Variants in KYNU observed in about 807,000 individuals in gnomAD.
The protein encoded by KYNU is L-kynurenine hydrolase.
Under a neutral mutation model 59.2 loss-of-function variants are expected in KYNU, and 54 were observed. That is an observed-to-expected ratio of 0.91 (90% CI 0.73 to 1.14). The LOEUF (loss-of-function observed/expected upper bound fraction) is 1.14, where lower values mean the gene tolerates loss of function less well. Among genes scored for constraint, KYNU ranks in the 50% most tolerant of loss-of-function variants. The pLI is 0.00. For missense variants in KYNU, 567 were observed against 554.4 expected, an observed-to-expected ratio of 1.02 and a Z score of -0.23; for synonymous variants, 177 against 192.0, an observed-to-expected ratio of 0.92 and a Z score of 0.65.
At chr2:142,951,375 A>T (rs958432761) in intron 4 of KYNU, among the ~76,000 whole-genome samples, 1 of 152,296 alleles carries the variant, frequency 6.6e-6, no homozygotes, top group Middle Eastern at 3.4e-3. Flanking sequence ...TGGACATGGT[A>T]AAACCCTGTC....
intron 8 of KYNU, among the ~76,000 whole-genome samples, chr2:142,976,140 G>A (rs374632838): frequency 4.6e-5 from 7 of 152,312 alleles, no homozygotes; most frequent in African/African-American, 1.7e-4. Context: ...CTGCAGAGAG[G>A]CAAGGGGTGG....
chr2:143,036,797 T>G (rs972759561), intron 12 of KYNU, among the ~76,000 whole-genome samples: 1 of 152,210 alleles, frequency 6.6e-6, no homozygotes, highest in African/African-American at 2.4e-5. Flanking sequence ...CTTATCTTTT[T>G]AAACCAGTTT....
intron 12 of KYNU, among the ~76,000 whole-genome samples, chr2:143,037,967 AT>A (rs1179072713): frequency 1.3e-5 from 2 of 152,150 alleles, no homozygotes; most frequent in Non-Finnish European, 2.9e-5. Context: ...TTATTTTATG[AT>A]TTAAAGAGTG....
intron 10 of KYNU, among the ~76,000 whole-genome samples, chr2:142,994,391 T>C (rs1685481638): frequency 6.6e-6 from 1 of 152,072 alleles, no homozygotes; most frequent in African/African-American, 2.4e-5. Flanking sequence ...TGTTCACCTG[T>C]TTTGCTCTTC....
At chr2:142,972,813 T>G (rs11896948) in intron 8 of KYNU, among the ~76,000 whole-genome samples, 42,545 of 123,712 alleles carry the variant, frequency 0.34, 6,839 homozygotes, top group African/African-American at 0.43. Flanking sequence ...TATATATATA[T>G]AGAGAGAGAG....
intron 12 of KYNU, among the ~76,000 whole-genome samples, chr2:143,035,615 A>G (rs1238312989): frequency 6.6e-6 from 1 of 152,124 alleles, no homozygotes; most frequent in Non-Finnish European, 1.5e-5. Flanking sequence ...TTTAGAGATG[A>G]GGTCTTGCTC....
chr2:142,959,662 A>T (rs902078705), intron 7 of KYNU, among the ~76,000 whole-genome samples: 5 of 152,098 alleles, frequency 3.3e-5, no homozygotes, highest in African/African-American at 1.2e-4. Context: ...TATTTAACTA[A>T]TTTTTTTCAG....
intron 1 of KYNU, among the ~76,000 whole-genome samples, chr2:142,880,592 C>A (rs569865491): frequency 7.9e-5 from 12 of 152,312 alleles, no homozygotes; most frequent in Middle Eastern, 3.4e-3. Context: ...ATTTTAAATT[C>A]TAGCTCCTGT....
chr2:142,954,714 A>G, intron 4 of KYNU, 96 bp from the exon 5 acceptor site: 1 of 806,970 alleles, frequency 1.2e-6, no homozygotes, highest in Non-Finnish European at 2.2e-6. Flanking sequence ...ATCTCTAAAG[A>G]CATTAAGAAT....
chr2:143,011,756 C>G (rs1339822405), intron 10 of KYNU, among the ~76,000 whole-genome samples: 4 of 109,716 alleles, frequency 3.6e-5, no homozygotes, highest in African/African-American at 1.2e-4. Context: ...AGTTCATGTC[C>G]TTTGTAGGGA....
At chr2:142,932,169 C>A (rs62169867) in intron 4 of KYNU, among the ~76,000 whole-genome samples, 1,558 of 152,142 alleles carry the variant, frequency 0.01, 12 homozygotes, top group Non-Finnish European at 0.016. Context: ...AAGGTGAGGA[C>A]AAGTGAGAAT....
At chr2:142,880,389 T>C (rs186811044) in intron 1 of KYNU, among the ~76,000 whole-genome samples, 108 of 152,358 alleles carry the variant, frequency 7.1e-4, no homozygotes, top group African/African-American at 2.2e-3. Flanking sequence ...GGGCTTGTCT[T>C]GTCACCTTTT....
intron 4 of KYNU, among the ~76,000 whole-genome samples, chr2:142,951,030 A>C (rs1373699019): frequency 6.6e-6 from 1 of 152,248 alleles, no homozygotes; most frequent in Non-Finnish European, 1.5e-5. Flanking sequence ...ACATTTATTG[A>C]TTAAGTTCTC....
chr2:142,957,554 C>A (rs1684208540), intron 6 of KYNU, 87 bp from the exon 7 acceptor site: 2 of 798,376 alleles, frequency 2.5e-6, no homozygotes, highest in Admixed American at 1.8e-5. Flanking sequence ...TAATAATATG[C>A]CCTTATTTTT....
chr2:142,948,464 A>G (rs1025509284), intron 4 of KYNU, among the ~76,000 whole-genome samples: 1 of 152,224 alleles, frequency 6.6e-6, no homozygotes, highest in African/African-American at 2.4e-5. Context: ...TTTACAAAGG[A>G]AAGAAGTTTA....
In KYNU at chr2:143,049,726, T is replaced by C. The variant is rs1429930774; in HGVS notation, c.*7554T>C. ...ATCTAAGTCAGCATTTTCTTTATTC[T>C]TAATCACAACTAGTTGATAGTCCAT... On this transcript the variant is annotated 3_prime_UTR_variant, in exon 14 of 14. Transcript: ENST00000264170. 1 of 152,196 alleles carries C rather than the reference T, an allele frequency of 6.6e-6. No individual in the cohort carries two copies. The highest frequency in any genetic ancestry group is 1.5e-5 in the Non-Finnish European group (1 of 68,024). The allele number at this position is 152,196 out of a possible 1,614,324, so 9.4% of individuals were successfully genotyped here. A position where few individuals can be genotyped will look rare whatever the true frequency, so the allele number is the denominator to read the frequency against.
At chr2:142,957,515 G>A in intron 6 of KYNU, 126 bp from the exon 7 acceptor site, 1 of 657,638 alleles carries the variant, frequency 1.5e-6, no homozygotes, top group Non-Finnish European at 2.7e-6. Flanking sequence ...TTTTGTTTAG[G>A]TGTTTTAACC....
intron 10 of KYNU, among the ~76,000 whole-genome samples, chr2:142,998,842 A>G (rs1685621299): frequency 6.6e-6 from 1 of 151,912 alleles, no homozygotes. Flanking sequence ...TCCCAACTCT[A>G]CTAAAAATAC....
At chr2:142,912,702 CCTT>C (rs1682527055) in intron 2 of KYNU, among the ~76,000 whole-genome samples, 1 of 127,886 alleles carries the variant, frequency 7.8e-6, no homozygotes, top group African/African-American at 3.2e-5. Context: ...TTTCTTTCTT[CCTT>C]TTTTTTTTTT....
Sources: allele counts gnomAD v4.1 joint callset (sites outside exome capture counted in the v4.1 genomes callset), GRCh38; gene constraint gnomAD v4.1.1; transcripts MANE v1.5; gene names NCBI Gene and HGNC (gene_info 2026-07-23, HGNC 2026-07-21).